Variants in ITPR2 observed in about 807,000 individuals in gnomAD.
ITPR2 encodes the protein inositol 1,4,5-trisphosphate-gated calcium channel ITPR2.
A neutral mutation model predicts 317.1 loss-of-function variants in ITPR2; 207 were observed. The observed-to-expected ratio is 0.65, with a 90% CI of 0.58 to 0.73. ITPR2 has a LOEUF of 0.73. Ranked by LOEUF, ITPR2 falls within the 30% of genes least tolerant of loss-of-function variation. The probability of loss-of-function intolerance (pLI) is 0.00; values close to 1 mark genes in which losing one functional copy is unlikely to be tolerated. For missense variants in ITPR2, 2,613 were observed against 3,284.0 expected, an observed-to-expected ratio of 0.80 and a Z score of 4.99; for synonymous variants, 1,156 against 1,149.1, an observed-to-expected ratio of 1.01 and a Z score of -0.12.
At chr12:26,586,248 G>A (rs562809158) in intron 32 of ITPR2, among the ~76,000 whole-genome samples, 115 of 152,144 alleles carry the variant, frequency 7.6e-4, no homozygotes, top group Non-Finnish European at 1.2e-3. Context: ...GGGCTCAGGG[G>A]ATCCTCTTCC....
chr12:26,434,845 T>C (rs575467730), intron 48 of ITPR2, among the ~76,000 whole-genome samples: 20 of 152,340 alleles, frequency 1.3e-4, no homozygotes, highest in African/African-American at 4.6e-4. Flanking sequence ...GAAGATGATA[T>C]TGATTTATCA....
chr12:26,624,436 G>A (rs1946572850), intron 23 of ITPR2, 80 bp from the exon 24 acceptor site: 2 of 977,904 alleles, frequency 2.0e-6, no homozygotes, highest in African/African-American at 1.7e-5. Flanking sequence ...ATCAATTGAT[G>A]TGAAAATATT....
chr12:26,544,603 C>A (rs1591880840), intron 37 of ITPR2, among the ~76,000 whole-genome samples: 1 of 74,060 alleles, frequency 1.4e-5, no homozygotes. Context: ...CAGAGACACA[C>A]AGACACACAC....
At position 26,364,401 on chromosome 12, in the gene ITPR2, C is replaced by T. The variant is rs1203582717; in HGVS notation, c.7857+23033G>A. Among the ~76,000 whole-genome samples the T allele has an allele frequency of 3.3e-5, 5 of 152,262 alleles. No homozygotes were observed. In the South Asian group the frequency reaches 8.3e-4, roughly 25 times the overall value. Reference sequence around the variant, plus strand: ...CCTGGCACAAAATAAGTGCTTTATACATAGTATAAATGAATAAATGAATGA... The same window carrying T: ...CCTGGCACAAAATAAGTGCTTTATATATAGTATAAATGAATAAATGAATGA... On this transcript the variant is annotated intron_variant, in intron 55 of 56. Coordinates refer to ENST00000381340, the MANE Select transcript of ITPR2 (RefSeq NM_002223.4).
At chr12:26,645,970 C>CTTTT (rs777192053) in intron 21 of ITPR2, among the ~76,000 whole-genome samples, 31 of 119,000 alleles carry the variant, frequency 2.6e-4, no homozygotes, top group Non-Finnish European at 3.1e-4. Flanking sequence ...TCTTTCTTTC[C>CTTTT]TTTTTTTTTT....
At position 26,655,737 on chromosome 12, in the gene ITPR2, C is replaced by T. The variant is rs1199548032; in HGVS notation, c.2560G>A (p.Asp854Asn). 6.2e-7 allele frequency: 1 copy of T among 1,611,934 alleles called. No homozygotes were observed. Among genetic ancestry groups the T allele is most frequent in the South Asian group, 1.1e-5 (1 of 90,934 alleles). The change falls in exon 20 of 57, where the codon GAT becomes AAT. Residue 854 changes from aspartate (D) to asparagine (N), a missense_variant. Transcript: ENST00000381340. ...EVVNQPFPFG[D>N]KEKNKLTFEV... ...AATGTCAGTTTATTTTTTTCTTTATCCCCAAAAGGAAAGGGCTGGTTTACA... is the reference window on the plus strand; with the variant it reads ...AATGTCAGTTTATTTTTTTCTTTATTCCCAAAAGGAAAGGGCTGGTTTACA...
Position 26,420,382 on chromosome 12 carries a change from C to T in ITPR2, c.6946-1169G>A, listed in dbSNP as rs145233846. Among the ~76,000 whole-genome samples the T allele has an allele frequency of 8.2e-4, 125 of 152,194 alleles. 1 individual carries two copies. Among genetic ancestry groups the T allele is most frequent in the African/African-American group, 2.8e-3 (115 of 41,550 alleles). On this transcript the variant is annotated intron_variant, in intron 49 of 56. Coordinates refer to ENST00000381340, the MANE Select transcript of ITPR2 (RefSeq NM_002223.4). ...TGTTGATTTGTTCAATATATATTAA[C>T]AAATTATCGAATGATTTTTAAATAA...
chr12:26,415,576 A>T lies in ITPR2; in HGVS notation c.7111-78T>A, dbSNP rs1940697611. The stretch of plus-strand genomic sequence containing the variant: ...TGAACAAACAAAAATATAATTACAA[A>T]TACAAATGCAAGCCATTCTAGTTTA... On this transcript the variant is annotated intron_variant, in intron 50 of 56. Transcript: ENST00000381340. 9.8e-6 allele frequency: 10 copies of T among 1,019,832 alleles called. No homozygotes were observed. The South Asian group carries it at 1.8e-4, about 18-fold the overall frequency. 63.2% of individuals were successfully genotyped at this position (1,019,832 alleles called of 1,614,324 possible).
At chr12:26,600,194 C>T in intron 28 of ITPR2, 85 bp from the exon 29 acceptor site, 1 of 1,183,596 alleles carries the variant, frequency 8.4e-7, no homozygotes, top group Non-Finnish European at 1.2e-6. Flanking sequence ...ACCCACATAC[C>T]ATTTTTCTCT....
intron 21 of ITPR2, among the ~76,000 whole-genome samples, chr12:26,645,480 T>C (rs11048629): frequency 0.092 from 14,071 of 152,152 alleles, 744 homozygotes; most frequent in Middle Eastern, 0.15. Context: ...GTGGGGAACA[T>C]GGTACATAAT....
intron 1 of ITPR2, among the ~76,000 whole-genome samples, chr12:26,818,970 A>T (rs1950900184): frequency 1.3e-5 from 2 of 152,158 alleles, no homozygotes; most frequent in African/African-American, 4.8e-5. Flanking sequence ...ATATACTTAA[A>T]CTGGATTAGT....
chr12:26,502,124 T>G (rs2136892896), intron 37 of ITPR2, among the ~76,000 whole-genome samples: 1 of 152,318 alleles, frequency 6.6e-6, no homozygotes, highest in East Asian at 1.9e-4. Flanking sequence ...TTTGTTTTCC[T>G]TGGGGCATTA....
intron 13 of ITPR2, among the ~76,000 whole-genome samples, chr12:26,670,274 G>A (rs988884573): frequency 1.3e-5 from 2 of 152,208 alleles, no homozygotes; most frequent in Admixed American, 6.5e-5. Flanking sequence ...CCTGACCCCT[G>A]AGCAGCCTAA....
chr12:26,736,248 G>A (rs1409598724), intron 2 of ITPR2, among the ~76,000 whole-genome samples: 2 of 152,132 alleles, frequency 1.3e-5, no homozygotes, highest in Non-Finnish European at 2.9e-5. Context: ...GTCCATGAGG[G>A]TGAAGTGATT....
intron 48 of ITPR2, among the ~76,000 whole-genome samples, chr12:26,432,151 T>G (rs1427343131): frequency 6.6e-6 from 1 of 152,188 alleles, no homozygotes; most frequent in Non-Finnish European, 1.5e-5. Context: ...TTACCATCTA[T>G]CTAGTCAAAG....
At chr12:26,769,025 A>ACACACC (rs1441493996) in intron 2 of ITPR2, among the ~76,000 whole-genome samples, 2 of 149,922 alleles carry the variant, frequency 1.3e-5, no homozygotes, top group Admixed American at 1.3e-4. Flanking sequence ...ACACACACAC[A>ACACACC]CCCCAATCTC....
At chr12:26,709,798 T>G (rs1192554730) in intron 9 of ITPR2, among the ~76,000 whole-genome samples, 1 of 152,228 alleles carries the variant, frequency 6.6e-6, no homozygotes, top group Non-Finnish European at 1.5e-5. Flanking sequence ...TACTAATGAT[T>G]TTTGCTTCAA....
At chr12:26,694,353 T>C (rs1399794521) in intron 10 of ITPR2, among the ~76,000 whole-genome samples, 1 of 152,206 alleles carries the variant, frequency 6.6e-6, no homozygotes, top group African/African-American at 2.4e-5. Context: ...GTCCTCCCTA[T>C]AGGTAAAATT....
In ITPR2 at chr12:26,602,490, C is replaced by A. The variant is rs371072511; in HGVS notation, c.3558G>T (p.Leu1186Phe). 15 of 1,608,754 alleles carry A rather than the reference C, an allele frequency of 9.3e-6. No homozygotes were observed. Among genetic ancestry groups the A allele is most frequent in the Non-Finnish European group, 1.2e-5 (14 of 1,177,668 alleles). The change falls in exon 28 of 57, where the codon TTG becomes TTT. Residue 1186 changes from leucine (L) to phenylalanine (F), a missense_variant. By Grantham distance (22) the Leu-to-Phe change is conservative (BLOSUM62 0). Around this residue, in one of 9 missense-constraint regions of ITPR2, gnomAD observed 817 missense variants for 897.6 expected, o/e 0.91. Transcript: ENST00000381340. The stretch of plus-strand genomic sequence containing the variant: ...GCACACAGAGTTTACTTAGCCTGAT[C>A]AAAATCTTTAAAAGGAAGAGGGAAA... ...SNNYRIVKEI[L>F]IRLSKLCVQN...
Sources: allele counts gnomAD v4.1 joint callset (sites outside exome capture counted in the v4.1 genomes callset), GRCh38; gene constraint gnomAD v4.1.1; regional missense constraint gnomAD v4.1.1; transcripts MANE v1.5; gene names NCBI Gene and HGNC (gene_info 2026-07-23, HGNC 2026-07-21).